The following DGKI variants were observed in gnomAD, a reference collection of about 807,000 sequenced individuals.
DGKI encodes DAG kinase iota.
A neutral mutation model predicts 147.5 loss-of-function variants in DGKI; 55 were observed. The ratio of observed to expected loss-of-function variants is 0.37; its 90% CI spans 0.30 to 0.47. The LOEUF is 0.47. Ranked by LOEUF, DGKI falls within the 20% of genes least tolerant of loss-of-function variation. The pLI, the probability that DGKI is intolerant of heterozygous loss-of-function variation, is 1.00. For synonymous variants in DGKI, 469 were observed against 477.1 expected, an observed-to-expected ratio of 0.98 and a Z score of 0.22; for missense variants, 1,007 against 1,323.8, an observed-to-expected ratio of 0.76 and a Z score of 3.71.
At chr7:137,411,176 G>A (rs1329091280) in intron 29 of DGKI, among the ~76,000 whole-genome samples, 1 of 152,226 alleles carries the variant, frequency 6.6e-6, no homozygotes, top group East Asian at 1.9e-4. Context: ...ACAGGCTGAG[G>A]AGTCAGGCGT....
At chr7:137,638,464 G>A (rs28481754) in intron 6 of DGKI, among the ~76,000 whole-genome samples, 2,096 of 92,690 alleles carry the variant, frequency 0.023, 142 homozygotes, top group African/African-American at 0.13. Context: ...ATATATATGT[G>A]TGTATATATG....
chr7:137,611,964 T>C (rs557066737), intron 8 of DGKI, among the ~76,000 whole-genome samples: 26 of 152,312 alleles, frequency 1.7e-4, no homozygotes, highest in South Asian at 4.1e-4. Context: ...ACCAAGTGCT[T>C]GCAGGAACAT....
rs749302791 is a variant in DGKI at position 137,469,615 on chromosome 7, T to C, written c.2378A>G (p.His793Arg). Residue 793 changes from histidine (H) to arginine (R), a missense_variant, in exon 24 of 33, where the codon CAT (histidine) becomes CGT (arginine). By Grantham distance (29) the His-to-Arg change is conservative (BLOSUM62 0). Transcript: ENST00000614521. The stretch of plus-strand genomic sequence containing the variant: ...GAGAGCCCTGGGGAAGGAGGTTTCA[T>C]GGTCCTGGAAAGAGACACACACACT... ...SGSQRVHYQDHETSFPRALSA... is the reference protein window; with the variant it reads ...SGSQRVHYQDRETSFPRALSA... 13 of 1,613,864 alleles carry C rather than the reference T, an allele frequency of 8.1e-6. No individual in the cohort carries two copies. The highest frequency in any genetic ancestry group is 4.0e-5 in the African/African-American group (3 of 74,910).
Position 137,389,212 on chromosome 7 carries a change from G to C in DGKI, c.*2008C>G, listed in dbSNP as rs556787969. The C allele has an allele frequency of 5.9e-5, 9 of 152,244 alleles. No homozygotes were observed. The highest frequency in any genetic ancestry group is 1.9e-4 in the African/African-American group (8 of 41,564). 9.4% of individuals were successfully genotyped at this position (152,244 alleles called of 1,614,324 possible). On this transcript the variant is annotated 3_prime_UTR_variant, in exon 33 of 33. Transcript: ENST00000614521. ...AATTCTCCTGGAGCATATTTTTCCA[G>C]CTTCTGGAAACAATCTGCTGCAGTG...
At chr7:137,404,963 T>C (rs1484325375) in intron 30 of DGKI, among the ~76,000 whole-genome samples, 1 of 152,152 alleles carries the variant, frequency 6.6e-6, no homozygotes, top group Non-Finnish European at 1.5e-5. Flanking sequence ...TACTGATCTA[T>C]ATTTGGGGTT....
intron 23 of DGKI, among the ~76,000 whole-genome samples, chr7:137,478,756 T>C (rs1815266675): frequency 6.6e-6 from 1 of 152,210 alleles, no homozygotes; most frequent in African/African-American, 2.4e-5. Flanking sequence ...TGAATATTGG[T>C]TCCAGGACAG....
Position 137,384,353 on chromosome 7 carries a change from T to G in DGKI, c.*6867A>C, listed in dbSNP as rs914282301. The G allele has an allele frequency of 6.6e-6, 1 of 152,044 alleles. No individual in the cohort carries two copies. Among genetic ancestry groups the G allele is most frequent in the Non-Finnish European group, 1.5e-5 (1 of 67,974 alleles). The allele number at this position is 152,044 out of a possible 1,614,324, so 9.4% of individuals were successfully genotyped here. A position where few individuals can be genotyped will look rare whatever the true frequency, so the allele number is the denominator to read the frequency against. ...AAAACTCTGACTTTTTGATTTCACA[T>G]TCTCCCTTATTTCTAACTCATTCTT... On this transcript the variant is annotated 3_prime_UTR_variant, in exon 33 of 33. Coordinates refer to ENST00000614521, the MANE Select transcript of DGKI (RefSeq NM_001321708.2).
intron 3 of DGKI, among the ~76,000 whole-genome samples, chr7:137,665,899 A>G (rs925829642): frequency 6.6e-6 from 1 of 152,204 alleles, no homozygotes; most frequent in Non-Finnish European, 1.5e-5. Context: ...CACACAAAAA[A>G]CCTTTCCTCT....
chr7:137,757,468 C>T (rs960923449), intron 1 of DGKI, among the ~76,000 whole-genome samples: 1 of 152,176 alleles, frequency 6.6e-6, no homozygotes, highest in Non-Finnish European at 1.5e-5. Flanking sequence ...TCTTCCTCTC[C>T]ATGTGATTTC....
chr7:137,513,269 C>A (rs959897862), intron 21 of DGKI, among the ~76,000 whole-genome samples: 45 of 152,152 alleles, frequency 3.0e-4, no homozygotes, highest in Non-Finnish European at 2.9e-4. Context: ...GGAGAACCTG[C>A]CCCACATTCC....
At chr7:137,430,122 C>T (rs1813000985) in intron 28 of DGKI, among the ~76,000 whole-genome samples, 2 of 131,576 alleles carry the variant, frequency 1.5e-5, no homozygotes, top group African/African-American at 2.8e-5. Context: ...TATTGTGGCA[C>T]TATTCACAAT....
chr7:137,542,409 A>G (rs1444772719), intron 20 of DGKI, among the ~76,000 whole-genome samples: 1 of 152,242 alleles, frequency 6.6e-6, no homozygotes, highest in Non-Finnish European at 1.5e-5. Context: ...AAACATCCAT[A>G]CAATGAAATA....
rs951410478 is a variant in DGKI at position 137,539,318 on chromosome 7, G to A, written c.2147+13051C>T. Among the ~76,000 whole-genome samples the A allele has an allele frequency of 5.9e-5, 9 of 152,236 alleles. No individual in the cohort carries two copies. The South Asian group carries it at 1.9e-3, about 32-fold the overall frequency. ...TAAACCCTTAGCTTTCTGGCACAAG[G>A]ACCAAACAAAGGAAGCCCCAAGAGA... On this transcript the variant is annotated intron_variant, in intron 20 of 32. Coordinates refer to ENST00000614521, the MANE Select transcript of DGKI (RefSeq NM_001321708.2).
In DGKI at chr7:137,419,394, A is replaced by G. The variant is rs536365465; in HGVS notation, c.2762-7187T>C. On this transcript the variant is annotated intron_variant, in intron 28 of 32. Transcript: ENST00000614521. ...GTGGCTACCAGATAACTTATACCAT[A>G]GCTGCCCCATAGCTCACTCTCTGAG... Among the ~76,000 whole-genome samples, 36 of 152,320 alleles carry G rather than the reference A, an allele frequency of 2.4e-4. No homozygotes were observed. In the South Asian group the frequency reaches 7.2e-3, roughly 31 times the overall value.
chr7:137,728,710 C>A (rs1157230585), intron 1 of DGKI, among the ~76,000 whole-genome samples: 1 of 152,094 alleles, frequency 6.6e-6, no homozygotes, highest in Non-Finnish European at 1.5e-5. Flanking sequence ...CCAGCTTTTC[C>A]CCCCATGGTT....
chr7:137,482,619 C>A (rs1815411364), intron 23 of DGKI, among the ~76,000 whole-genome samples: 3 of 152,156 alleles, frequency 2.0e-5, no homozygotes, highest in South Asian at 4.1e-4. Context: ...ATGCCTCCAA[C>A]TCATTCCTCC....
intron 1 of DGKI, among the ~76,000 whole-genome samples, chr7:137,805,385 C>T (rs1332520576): frequency 6.6e-6 from 1 of 152,190 alleles, no homozygotes; most frequent in African/African-American, 2.4e-5. Flanking sequence ...CTTACGCTGT[C>T]TGCAGGGAAG....
At chr7:137,744,566 CA>C (rs1470464041) in intron 1 of DGKI, among the ~76,000 whole-genome samples, 1 of 151,972 alleles carries the variant, frequency 6.6e-6, no homozygotes, top group African/African-American at 2.4e-5. Context: ...ATCCTGATAC[CA>C]AAATCTGATA....
intron 1 of DGKI, among the ~76,000 whole-genome samples, chr7:137,690,915 C>A (rs1372530535): frequency 1.3e-5 from 2 of 152,154 alleles, no homozygotes; most frequent in African/African-American, 2.4e-5. Context: ...CGTGGAAGTT[C>A]AATTTCTGAA....
Sources: gnomAD v4.1 joint callset for allele counts (sites outside exome capture counted in the v4.1 genomes callset) on GRCh38, gnomAD v4.1.1 for gene constraint, MANE v1.5 for transcripts, NCBI Gene and HGNC (gene_info 2026-07-23, HGNC 2026-07-21) for gene names.